Variants in SCN11A observed in about 807,000 individuals in gnomAD.
The protein encoded by SCN11A is sodium voltage-gated channel alpha subunit 11.
In SCN11A, 122 loss-of-function variants were observed where a neutral mutation model predicts 162.2. The observed-to-expected ratio is 0.75, with a 90% CI of 0.65 to 0.87. SCN11A has a LOEUF of 0.87. SCN11A is among the 40% of genes least tolerant of loss of function. SCN11A has a pLI of 0.00. For synonymous variants in SCN11A, 758 were observed against 751.5 expected (o/e 1.01, Z -0.14); for missense variants, 2,015 against 2,181.6 (o/e 0.92, Z 1.52).
At chr3:38,882,694 A>G (rs183814844) in intron 22 of SCN11A, among the ~76,000 whole-genome samples, 1 of 152,082 alleles carries the variant, frequency 6.6e-6, no homozygotes, top group African/African-American at 2.4e-5. Context: ...GTTATTTCTA[A>G]ATCTCATTGG....
chr3:38,978,554 G>A (rs2125589482), intron 2 of SCN11A, among the ~76,000 whole-genome samples: 1 of 152,214 alleles, frequency 6.6e-6, no homozygotes, highest in African/African-American at 2.4e-5. Flanking sequence ...GCTGAGGCAG[G>A]AGAATTGCTT....
chr3:38,998,127 T>A (rs1209098216), intron 2 of SCN11A, among the ~76,000 whole-genome samples: 1 of 152,196 alleles, frequency 6.6e-6, no homozygotes, highest in African/African-American at 2.4e-5. Flanking sequence ...CAAAACTGAT[T>A]AGAATGAGAC....
At chr3:38,925,568 A>G in intron 8 of SCN11A, 59 bp from the exon 9 acceptor site, 1 of 1,201,076 alleles carries the variant, frequency 8.3e-7, no homozygotes, top group Non-Finnish European at 1.2e-6. Flanking sequence ...TGCACTGCAC[A>G]TCTCCACAAA....
intron 16 of SCN11A, among the ~76,000 whole-genome samples, chr3:38,902,220 T>G (rs35599984): frequency 6.6e-6 from 1 of 152,190 alleles, no homozygotes; most frequent in African/African-American, 2.4e-5. Context: ...CTGAAACAAT[T>G]TCAGCTCATT....
rs57092499 is a variant in SCN11A, at chr3:38,987,303, TCACACACACACA to T, written c.-279-26892_-279-26881del. 6.8e-4 allele frequency among the ~76,000 whole-genome samples: 71 copies of T among 104,470 alleles called. 1 individual carries two copies. Among genetic ancestry groups the T allele is most frequent in the African/African-American group, 2.6e-3 (66 of 25,756 alleles). 68.5% of individuals were successfully genotyped at this position (104,470 alleles called of 152,430 possible). A position where few individuals can be genotyped will look rare whatever the true frequency, so the allele number is the denominator to read the frequency against. ...TTCTCTCTCTCTCTCTCTCTCTCTC[TCACACACACACA>T]CACACACACACACACACACACACAC... On this transcript the variant is annotated intron_variant, in intron 2 of 29. Transcript: ENST00000302328.
At chr3:39,036,950 C>T (rs34144694) in intron 1 of SCN11A, among the ~76,000 whole-genome samples, 21,500 of 152,112 alleles carry the variant, frequency 0.14, 1,763 homozygotes, top group African/African-American at 0.22. Flanking sequence ...AACTACTATA[C>T]GATCCAGCAA....
intron 3 of SCN11A, among the ~76,000 whole-genome samples, 155 bp from the exon 4 acceptor site, chr3:38,953,914 C>T (rs931249360): frequency 6.6e-6 from 1 of 152,202 alleles, no homozygotes; most frequent in Non-Finnish European, 1.5e-5. Flanking sequence ...CATCCCAATT[C>T]ATTACTTAAA....
At chr3:39,048,747 T>A (rs2125620307) in intron 1 of SCN11A, among the ~76,000 whole-genome samples, 1 of 152,344 alleles carries the variant, frequency 6.6e-6, no homozygotes, top group African/African-American at 2.4e-5. Context: ...ACTGCATGAC[T>A]TCCACTGTGA....
At chr3:38,865,953 T>C (rs1212276898) in intron 27 of SCN11A, among the ~76,000 whole-genome samples, 1 of 152,234 alleles carries the variant, frequency 6.6e-6, no homozygotes, top group Admixed American at 6.5e-5. Context: ...TTTCATATTC[T>C]GCAGAATAAG....
intron 11 of SCN11A, among the ~76,000 whole-genome samples, chr3:38,916,892 A>T (rs2065968984): frequency 6.6e-6 from 1 of 152,214 alleles, no homozygotes; most frequent in Non-Finnish European, 1.5e-5. Flanking sequence ...AAAGATGATC[A>T]CAGACCTGCC....
chr3:38,938,179 A>G (rs993664493), intron 7 of SCN11A, among the ~76,000 whole-genome samples: 5 of 151,630 alleles, frequency 3.3e-5, no homozygotes, highest in African/African-American at 1.2e-4. Context: ...GAATTGAACA[A>G]TGAGAACACA....
Position 38,920,965 on chromosome 3 carries a change from TC to T in SCN11A, c.892+110del. The T allele has an allele frequency of 3.0e-6, 3 of 991,988 alleles. No individual in the cohort carries two copies. In the South Asian group the frequency reaches 4.5e-5, roughly 15 times the overall value. The allele number at this position is 991,988 out of a possible 1,614,324, so 61.4% of individuals were successfully genotyped here. ...GGAGCACCCTGGATGGATGAAGTCCTCCCTTGCTGCTAAGAGACTCTGTAAG... is the reference window on the plus strand; with the variant it reads ...GGAGCACCCTGGATGGATGAAGTCCTCCTTGCTGCTAAGAGACTCTGTAAG... On this transcript the variant is annotated intron_variant, in intron 10 of 29. Transcript: ENST00000302328.
chr3:39,033,242 A>C (rs1444940045), intron 1 of SCN11A, among the ~76,000 whole-genome samples: 1 of 152,020 alleles, frequency 6.6e-6, no homozygotes, highest in Non-Finnish European at 1.5e-5. Context: ...AGGATGATTT[A>C]ACAATAGCAA....
At chr3:38,891,646 A>T (rs1309893953) in intron 19 of SCN11A, among the ~76,000 whole-genome samples, 1 of 152,214 alleles carries the variant, frequency 6.6e-6, no homozygotes, top group African/African-American at 2.4e-5. Context: ...GTATCTTGTG[A>T]AGGACTTCCT....
At chr3:38,965,455 A>T (rs1196952012) in intron 2 of SCN11A, among the ~76,000 whole-genome samples, 1 of 151,546 alleles carries the variant, frequency 6.6e-6, no homozygotes, top group Non-Finnish European at 1.5e-5. Flanking sequence ...AGCCCTTCTC[A>T]CCTCTCATCT....
At chr3:39,042,197 A>G (rs2032064404) in intron 1 of SCN11A, among the ~76,000 whole-genome samples, 1 of 152,202 alleles carries the variant, frequency 6.6e-6, no homozygotes, top group Non-Finnish European at 1.5e-5. Flanking sequence ...TGAACCCAGC[A>G]GGTAGAGGCT....
intron 11 of SCN11A, among the ~76,000 whole-genome samples, chr3:38,910,563 G>T (rs931010268): frequency 3.3e-5 from 5 of 151,644 alleles, no homozygotes; most frequent in African/African-American, 1.2e-4. Flanking sequence ...CCAGAAGTTT[G>T]CTATGACTAT....
rs2066423257 is a variant in SCN11A at position 38,940,398 on chromosome 3, T to C, written c.488+5013A>G. On this transcript the variant is annotated intron_variant, in intron 7 of 29. Coordinates refer to ENST00000302328, the MANE Select transcript of SCN11A (RefSeq NM_001349253.2). ...AAAAATCAACAAGAGCCATAAAAATTCTCAAAAGGAACCTCTAGCACTCCT... is the reference window on the plus strand; with the variant it reads ...AAAAATCAACAAGAGCCATAAAAATCCTCAAAAGGAACCTCTAGCACTCCT... 2.0e-5 allele frequency among the ~76,000 whole-genome samples: 3 copies of C among 152,118 alleles called. No homozygotes were observed. In the South Asian group the frequency reaches 6.2e-4, roughly 32 times the overall value.
At chr3:38,878,029 A>G (rs1310357017) in intron 23 of SCN11A, among the ~76,000 whole-genome samples, 2 of 151,746 alleles carry the variant, frequency 1.3e-5, no homozygotes, top group Non-Finnish European at 2.9e-5. Flanking sequence ...AGGGGAAATG[A>G]GGGTGTGAGG....
Sources: gnomAD v4.1 joint callset for allele counts (sites outside exome capture counted in the v4.1 genomes callset) on GRCh38, gnomAD v4.1.1 for gene constraint, MANE v1.5 for transcripts, NCBI Gene and HGNC (gene_info 2026-07-23, HGNC 2026-07-21) for gene names.